The following FKBP5 variants were observed in gnomAD, a reference collection of about 807,000 sequenced individuals.
FKBP5 encodes peptidyl-prolyl cis-trans isomerase FKBP5.
FKBP5 carries 23 observed loss-of-function variants against 50.5 expected under a neutral mutation model. The observed-to-expected ratio is 0.46, with a 90% CI of 0.33 to 0.65. FKBP5 has a LOEUF of 0.65. Ranked by LOEUF, FKBP5 falls within the 30% of genes least tolerant of loss-of-function variation. FKBP5 has a pLI of 0.02. For missense variants in FKBP5, 411 were observed against 553.1 expected, an observed-to-expected ratio of 0.74 and a Z score of 2.58; for synonymous variants, 176 against 190.6, an observed-to-expected ratio of 0.92 and a Z score of 0.63.
At chr6:35,688,952 GCGCCCGGCGCCGTCC>G (rs1041045084), upstream of FKBP5, 11 of 151,274 alleles carry the variant, frequency 7.3e-5, no homozygotes, top group African/African-American at 2.7e-4. Flanking sequence ...CCCCGGGGCA[GCGCCCGGCGCCGTCC>G]CGCCCCAGCC....
chr6:35,684,592 T>C (rs992919959), intron 1 of FKBP5, among the ~76,000 whole-genome samples: 2 of 152,224 alleles, frequency 1.3e-5, no homozygotes, highest in South Asian at 2.1e-4. Context: ...CTGATTGTTT[T>C]AGAGAACTAA....
chr6:35,584,557 G>A (rs554409428), intron 8 of FKBP5: 1 of 985,486 alleles, frequency 1.0e-6, no homozygotes, highest in Non-Finnish European at 1.2e-6. Flanking sequence ...CCCTGAGTTG[G>A]GAAGGGAATA....
intron 2 of FKBP5, among the ~76,000 whole-genome samples, chr6:35,701,567 G>A (rs548255983): frequency 3.2e-4 from 49 of 151,470 alleles, no homozygotes; most frequent in Middle Eastern, 3.4e-3. Context: ...TTGAGACAGG[G>A]TCTCACTCTG....
intron 1 of FKBP5, among the ~76,000 whole-genome samples, chr6:35,675,832 G>A (rs1222719463): frequency 6.6e-6 from 1 of 152,056 alleles, no homozygotes; most frequent in Non-Finnish European, 1.5e-5. Context: ...TTATATTTTA[G>A]GGGCAAAATC....
At chr6:35,594,038 T>C (rs183782066) in intron 6 of FKBP5, among the ~76,000 whole-genome samples, 20 of 152,178 alleles carry the variant, frequency 1.3e-4, no homozygotes, top group Admixed American at 7.2e-4. Context: ...TGTCTGGAAA[T>C]GTTTTATGAC....
intron 5 of FKBP5, among the ~76,000 whole-genome samples, chr6:35,605,929 A>C (rs1208945273): frequency 6.6e-6 from 1 of 152,250 alleles, no homozygotes; most frequent in Non-Finnish European, 1.5e-5. Flanking sequence ...AAGATGGATT[A>C]AAGGCTTAAA....
intron 1 of FKBP5, among the ~76,000 whole-genome samples, chr6:35,669,289 G>A (rs530810894): frequency 2.6e-5 from 4 of 152,274 alleles, no homozygotes; most frequent in Admixed American, 6.5e-5. Flanking sequence ...TGATGTGCCA[G>A]CTGTTTTGTT....
intron 1 of FKBP5, among the ~76,000 whole-genome samples, chr6:35,685,343 T>A (rs189416784): frequency 6.6e-6 from 1 of 152,342 alleles, no homozygotes; most frequent in East Asian, 1.9e-4. Context: ...AATAGTTATG[T>A]GACATACATA....
intron 3 of FKBP5, among the ~76,000 whole-genome samples, chr6:35,628,034 A>G (rs1764052567): frequency 6.6e-6 from 1 of 150,780 alleles, no homozygotes; most frequent in Non-Finnish European, 1.5e-5. Flanking sequence ...CGGCCTCCCA[A>G]AGTGCTGGCA....
At chr6:35,586,963 A>G in intron 8 of FKBP5, 71 bp downstream of exon 8, 4 of 1,608,118 alleles carry the variant, frequency 2.5e-6, no homozygotes, top group Non-Finnish European at 3.4e-6. Context: ...AGAGTAGGGA[A>G]TATCAGCACA....
intron 2 of FKBP5, among the ~76,000 whole-genome samples, chr6:35,641,720 T>C (rs1238306584): frequency 6.6e-6 from 1 of 152,094 alleles, no homozygotes; most frequent in African/African-American, 2.4e-5. Context: ...ATAAACCCCT[T>C]TGGGCCGGGC....
rs973638367 is a variant in FKBP5, at chr6:35,660,435, A to G, written c.-19-17592T>C. 3.8e-5 allele frequency among the ~76,000 whole-genome samples: 3 copies of G among 79,400 alleles called. 1 individual carries two copies. The highest frequency in any genetic ancestry group is 1.2e-4 in the African/African-American group (3 of 25,504). The allele number at this position is 79,400 out of a possible 152,430, so 52.1% of individuals were successfully genotyped here. The stretch of plus-strand genomic sequence containing the variant: ...AGGCATGCACCACCACGCCCGGCTG[A>G]TTTTGTATTTTTAGTAGAGACAGGG... On this transcript the variant is annotated intron_variant, in intron 1 of 10. Coordinates refer to ENST00000357266, the MANE Select transcript of FKBP5 (RefSeq NM_004117.4).
intron 1 of FKBP5, among the ~76,000 whole-genome samples, chr6:35,661,914 T>A (rs1765076567): frequency 7.0e-6 from 1 of 143,314 alleles, no homozygotes. Flanking sequence ...AACACAAGGT[T>A]ATCAGTTATC....
At chr6:35,647,879 A>C (rs1179970590) in intron 1 of FKBP5, among the ~76,000 whole-genome samples, 1 of 152,244 alleles carries the variant, frequency 6.6e-6, no homozygotes, top group Non-Finnish European at 1.5e-5. Context: ...ACTGCTGAAG[A>C]CAAGTCTTTG....
At chr6:35,587,359 C>CA (rs1173347867) in intron 7 of FKBP5, among the ~76,000 whole-genome samples, 1 of 152,170 alleles carries the variant, frequency 6.6e-6, no homozygotes, top group Non-Finnish European at 1.5e-5. Context: ...AGAGGAGCCG[C>CA]AAAAACACAG....
intron 5 of FKBP5, among the ~76,000 whole-genome samples, chr6:35,617,780 T>C (rs957568323): frequency 6.6e-6 from 1 of 152,176 alleles, no homozygotes; most frequent in African/African-American, 2.4e-5. Flanking sequence ...AATGGGCAAA[T>C]ACTGATTACA....
chr6:35,711,513 G>A (rs956454908), intron 2 of FKBP5, among the ~76,000 whole-genome samples: 1 of 151,972 alleles, frequency 6.6e-6, no homozygotes, highest in African/African-American at 2.4e-5. Flanking sequence ...AGCTACTCAG[G>A]AGGCTGAGGC....
At chr6:35,628,338 T>C (rs1764059892) in intron 3 of FKBP5, among the ~76,000 whole-genome samples, 1 of 152,130 alleles carries the variant, frequency 6.6e-6, no homozygotes, top group Non-Finnish European at 1.5e-5. Context: ...GAACACACTA[T>C]AGGATGAAAG....
chr6:35,648,264 T>A (rs1025268065), intron 1 of FKBP5, among the ~76,000 whole-genome samples: 1 of 152,170 alleles, frequency 6.6e-6, no homozygotes, highest in South Asian at 2.1e-4. Flanking sequence ...ATGGAATTTT[T>A]ATTTATTTCT....
Sources: gnomAD v4.1 joint callset for allele counts (sites outside exome capture counted in the v4.1 genomes callset) on GRCh38, gnomAD v4.1.1 for gene constraint, MANE v1.5 for transcripts, NCBI Gene and HGNC (gene_info 2026-07-23, HGNC 2026-07-21) for gene names.